Variants in CD177 observed in about 807,000 individuals in gnomAD.
CD177 encodes the protein CD177 antigen.
CD177 carries 41 observed loss-of-function variants against 38.1 expected under a neutral mutation model. The observed-to-expected ratio is 1.07, with a 90% CI of 0.84 to 1.39. The LOEUF is 1.39. CD177 is among the 40% of genes most tolerant of loss of function. The pLI is 0.00. For synonymous variants in CD177, 236 were observed against 216.7 expected, an observed-to-expected ratio of 1.09 and a Z score of -0.78; for missense variants, 619 against 523.8, an observed-to-expected ratio of 1.18 and a Z score of -1.77.
At chr19:43,355,064 C>T (rs1055367966) in intron 3 of CD177, among the ~76,000 whole-genome samples, 3 of 131,602 alleles carry the variant, frequency 2.3e-5, no homozygotes, top group African/African-American at 8.5e-5. Context: ...GCCCACCCCC[C>T]ACCCCCACTT....
rs1334684402 is a variant in CD177 at position 43,361,368 on chromosome 19, C to A, written c.946+40C>A. On this transcript the variant is annotated intron_variant, in intron 7 of 8. Transcript: ENST00000618265. ...GCCGTGGAGAAATGAGGCCCAGACA[C>A]ACAGAGACTCTGGCCCAAGGTGGCC... The A allele has an allele frequency of 1.0e-5, 16 of 1,592,220 alleles. No homozygotes were observed. In the African/African-American group the frequency reaches 1.2e-4, roughly 12 times the overall value.
chr19:43,354,267 G>A lies in CD177; in HGVS notation c.254G>A (p.Arg85His). 2.5e-6 allele frequency: 4 copies of A among 1,613,864 alleles called. No individual in the cohort carries two copies. Among genetic ancestry groups the A allele is most frequent in the Non-Finnish European group, 3.4e-6 (4 of 1,179,860 alleles). ...GCTEAKDQEPRVTEHRMGPGL... is the reference protein window; with the variant it reads ...GCTEAKDQEPHVTEHRMGPGL... ...ACGGAGGCCAAGGACCAGGAGCCCC[G>A]CGTCACTGAGCACCGGATGGGCCCC... Residue 85 changes from arginine (R) to histidine (H), a missense_variant, in exon 3 of 9, where the codon CGC becomes CAC. Physicochemically the swap from Arg to His is conservative, Grantham distance 29. Transcript: ENST00000618265.
Position 43,355,728 on chromosome 19 carries a change from G to A in CD177, c.447G>A (p.Glu149=). 1 of 1,613,066 alleles carries A rather than the reference G, an allele frequency of 6.2e-7. No homozygotes were observed. ...MEGCLEGTTE[E]ICPKGTTHCY... is the part of the protein sequence containing the mutation. ...GCTGTCTGGAGGGGACAACAGAAGA[G>A]ATCTGCCCCAAGGGGACCACACACT... The change falls in exon 4 of 9, where the codon GAG becomes GAA. Residue 149 remains glutamate, a synonymous_variant. Coordinates refer to ENST00000618265, the MANE Select transcript of CD177 (RefSeq NM_020406.4).
In CD177 at chr19:43,354,287, G is replaced by T. The variant is rs1209044645; in HGVS notation, c.274G>T (p.Gly92Cys). Residue 92 changes from glycine (G) to cysteine (C), a missense_variant, in exon 3 of 9, where the codon GGC becomes TGC. Coordinates refer to ENST00000618265, the MANE Select transcript of CD177 (RefSeq NM_020406.4). ...GCCCCGCGTCACTGAGCACCGGATGGGCCCCGGCCTCTCCCTGATCTCCTA... is the reference window on the plus strand; with the variant it reads ...GCCCCGCGTCACTGAGCACCGGATGTGCCCCGGCCTCTCCCTGATCTCCTA... ...QEPRVTEHRMGPGLSLISYTF... is the reference protein window; with the variant it reads ...QEPRVTEHRMCPGLSLISYTF... The T allele has an allele frequency of 6.2e-7, 1 of 1,613,904 alleles. No homozygotes were observed. Among genetic ancestry groups the T allele is most frequent in the Non-Finnish European group, 8.5e-7 (1 of 1,179,870 alleles).
At chr19:43,361,704 C>G in intron 8 of CD177, 125 bp downstream of exon 8, 1 of 1,028,900 alleles carries the variant, frequency 9.7e-7, no homozygotes, top group Non-Finnish European at 1.4e-6. Context: ...GGCCTGGACT[C>G]CTGGTCCGAG....
In CD177 at chr19:43,354,300, C is replaced by A. The variant is rs1160195530; in HGVS notation, c.287C>A (p.Ser96Tyr). 1.2e-6 allele frequency: 2 copies of A among 1,613,868 alleles called. No homozygotes were observed. The highest frequency in any genetic ancestry group is 2.7e-5 in the African/African-American group (2 of 74,900). Residue 96 changes from serine to tyrosine, a missense_variant, in exon 3 of 9, where the codon TCC (serine) becomes TAC (tyrosine). Transcript: ENST00000618265. ...VTEHRMGPGL[S>Y]LISYTFVCRQ... ...GAGCACCGGATGGGCCCCGGCCTCTCCCTGATCTCCTACACCTTCGTGTGC... is the reference window on the plus strand; with the variant it reads ...GAGCACCGGATGGGCCCCGGCCTCTACCTGATCTCCTACACCTTCGTGTGC...
rs192187610 is a variant in CD177 at position 43,360,210 on chromosome 19, G to A, written c.620-55G>A. 9 of 1,592,040 alleles carry A rather than the reference G, an allele frequency of 5.7e-6. No individual in the cohort carries two copies. The Admixed American group carries it at 1.4e-4, about 24-fold the overall frequency. On this transcript the variant is annotated intron_variant, in intron 5 of 8. Transcript: ENST00000618265. ...CACCTTCCCTAGCCCAGGACGTGGA[G>A]GGACAGACATGGTGGGTTCCTGGCT...
downstream of CD177, among the ~76,000 whole-genome samples, chr19:43,363,928 A>T (rs1253648543): frequency 6.6e-6 from 1 of 152,142 alleles, no homozygotes; most frequent in Non-Finnish European, 1.5e-5. Flanking sequence ...TCTCTACAAA[A>T]AAATACAAAA....
At position 43,360,399 on chromosome 19, in the gene CD177, G is replaced by C. The variant is rs770491972; in HGVS notation, c.754G>C (p.Asp252His). 3.4e-5 allele frequency: 55 copies of C among 1,596,308 alleles called. No individual in the cohort carries two copies. The highest frequency in any genetic ancestry group is 4.4e-5 in the Non-Finnish European group (52 of 1,171,572). ...GTGTCAGGAGACGCTGCTGCTCCTAGATGTAGGTACGTGGACTGAGGTAGA... is the reference window on the plus strand; with the variant it reads ...GTGTCAGGAGACGCTGCTGCTCCTACATGTAGGTACGTGGACTGAGGTAGA... ...QVCQETLLLL[D>H]VGLTSTLVGT... Residue 252 changes from aspartate to histidine, a missense_variant, in exon 6 of 9, where the codon GAT becomes CAT. Physicochemically the swap from Asp to His is moderately conservative, Grantham distance 81. Coordinates refer to ENST00000618265, the MANE Select transcript of CD177 (RefSeq NM_020406.4).
chr19:43,363,398 A>G (rs1280545664), downstream of CD177, among the ~76,000 whole-genome samples: 3 of 151,950 alleles, frequency 2.0e-5, no homozygotes, highest in African/African-American at 4.8e-5. Context: ...AGAGAGAGAC[A>G]TAGACAGAAA....
In CD177 at chr19:43,355,710, G is replaced by A. The variant is rs556441386; in HGVS notation, c.429G>A (p.Leu143=). 6.2e-7 allele frequency: 1 copy of A among 1,612,196 alleles called. No individual in the cohort carries two copies. The highest frequency in any genetic ancestry group is 2.2e-5 in the East Asian group (1 of 44,866). The change falls in exon 4 of 9, where the codon CTG becomes CTA. Residue 143 remains leucine, a synonymous_variant. Coordinates refer to ENST00000618265, the MANE Select transcript of CD177 (RefSeq NM_020406.4). The part of the protein sequence containing the change: ...CPVCLSMEGC[L]EGTTEEICPK... ...TCTGCTTGTCTATGGAAGGCTGTCTGGAGGGGACAACAGAAGAGATCTGCC... is the reference window on the plus strand; with the variant it reads ...TCTGCTTGTCTATGGAAGGCTGTCTAGAGGGGACAACAGAAGAGATCTGCC...
intron 5 of CD177, 39 bp from the exon 6 acceptor site, chr19:43,360,226 G>A (rs1969940842): frequency 6.2e-7 from 1 of 1,606,020 alleles, no homozygotes; most frequent in Non-Finnish European, 8.5e-7. Context: ...GACATGGTGG[G>A]TTCCTGGCTT....
downstream of CD177, chr19:43,363,270 A>G (rs1274311843): frequency 6.6e-6 from 1 of 152,186 alleles, no homozygotes; most frequent in East Asian, 1.9e-4. Context: ...AGAACTCCAG[A>G]AAAAAATGGG....
At chr19:43,360,625 G>A (rs563158447) in intron 6 of CD177, 27 of 550,044 alleles carry the variant, frequency 4.9e-5, no homozygotes, top group Non-Finnish European at 8.1e-5. Context: ...GGGTGACCAC[G>A]TATGCGGTAA....
intron 3 of CD177, among the ~76,000 whole-genome samples, chr19:43,355,093 C>CCTTTT (rs1387190635): frequency 8.4e-6 from 1 of 118,398 alleles, no homozygotes; most frequent in African/African-American, 3.4e-5. Context: ...AGACACCCCC[C>CCTTTT]CTTTTCTTTT....
Position 43,362,665 on chromosome 19 carries a change from A to G in CD177, c.*345A>G, listed in dbSNP as rs575131107. Reference sequence around the variant, plus strand: ...AGGAGAGGAGCCTAATGAGAAAATGACCATCTAAAGCCTGCCCTTCATTGG... The same window carrying G: ...AGGAGAGGAGCCTAATGAGAAAATGGCCATCTAAAGCCTGCCCTTCATTGG... On this transcript the variant is annotated 3_prime_UTR_variant, in exon 9 of 9. Transcript: ENST00000618265. The G allele has an allele frequency of 1.3e-4, 24 of 189,126 alleles. No homozygotes were observed. The highest frequency in any genetic ancestry group is 7.1e-4 in the South Asian group (4 of 5,630). 11.7% of individuals were successfully genotyped at this position (189,126 alleles called of 1,614,324 possible).
chr19:43,361,262 T>C lies in CD177; in HGVS notation c.880T>C (p.Cys294Arg). ...GVLVASYTHF[C>R]SSDLCNSASS... ...GCTTGTGGCCTCCTATACCCACTTC[T>C]GCTCCTCGGACCTGTGCAATAGTGC... The change falls in exon 7 of 9, where the codon TGC (cysteine) becomes CGC (arginine). Residue 294 changes from cysteine to arginine, a missense_variant. Cys to Arg is a radical substitution (Grantham distance 180, BLOSUM62 -3). Coordinates refer to ENST00000618265, the MANE Select transcript of CD177 (RefSeq NM_020406.4). 1 of 1,539,168 alleles carries C rather than the reference T, an allele frequency of 6.5e-7. No individual in the cohort carries two copies. The highest frequency in any genetic ancestry group is 1.1e-5 in the South Asian group (1 of 87,574).
rs1969881721 is a variant in CD177 at position 43,354,000 on chromosome 19, A to C, written c.193+7A>C. 2 of 1,612,928 alleles carry C rather than the reference A, an allele frequency of 1.2e-6. No individual in the cohort carries two copies. Among genetic ancestry groups the C allele is most frequent in the African/African-American group, 1.3e-5 (1 of 74,856 alleles). On this transcript the variant is annotated splice_region_variant and intron_variant, in intron 2 of 8. Coordinates refer to ENST00000618265, the MANE Select transcript of CD177 (RefSeq NM_020406.4). ...TTGATGCTCATTGAGAGCGGTGAGAAGGCCCTGGCGTGCAGAGACCCCGCC... is the reference window on the plus strand; with the variant it reads ...TTGATGCTCATTGAGAGCGGTGAGACGGCCCTGGCGTGCAGAGACCCCGCC...
intron 6 of CD177, 136 bp downstream of exon 6, chr19:43,360,541 T>C (rs1327957178): frequency 2.2e-6 from 2 of 892,914 alleles, no homozygotes; most frequent in Non-Finnish European, 3.3e-6. Flanking sequence ...TCTTCTTCTC[T>C]CTGCATCTTG....
Sources: allele counts gnomAD v4.1 joint callset (sites outside exome capture counted in the v4.1 genomes callset), GRCh38; gene constraint gnomAD v4.1.1; transcripts MANE v1.5; gene names NCBI Gene and HGNC (gene_info 2026-07-23, HGNC 2026-07-21).